Variants in SH3BGR observed in about 807,000 individuals in gnomAD.
SH3BGR encodes SH3 domain binding glutamate rich protein.
Under a neutral mutation model 24.5 loss-of-function variants are expected in SH3BGR, and 29 were observed. The ratio of observed to expected loss-of-function variants is 1.18; its 90% confidence interval spans 0.88 to 1.61. The LOEUF (loss-of-function observed/expected upper bound fraction) is 1.61. SH3BGR is among the 40% of genes most tolerant of loss of function. SH3BGR has a pLI of 0.00. For missense variants in SH3BGR, 162 were observed against 205.8 expected, an observed-to-expected ratio of 0.79 and a Z score of 1.30; for synonymous variants, 55 against 65.7, an observed-to-expected ratio of 0.84 and a Z score of 0.79.
intron 3 of SH3BGR, among the ~76,000 whole-genome samples, chr21:39,496,434 A>G (rs930234678): frequency 6.8e-6 from 1 of 147,310 alleles, no homozygotes; most frequent in East Asian, 2.0e-4. Context: ...CAGGAAGCGG[A>G]GCTTGCAGTG....
At chr21:39,480,601 C>G (rs1252647504) in intron 3 of SH3BGR, among the ~76,000 whole-genome samples, 1 of 152,200 alleles carries the variant, frequency 6.6e-6, no homozygotes, top group Non-Finnish European at 1.5e-5. Flanking sequence ...TCCTCAGTGG[C>G]TGGGTATTTG....
chr21:39,485,334 AT>A (rs2078191874), intron 3 of SH3BGR, among the ~76,000 whole-genome samples: 1 of 152,228 alleles, frequency 6.6e-6, no homozygotes, highest in Non-Finnish European at 1.5e-5. Flanking sequence ...TTCAATAAGA[AT>A]TTTTGAACTC....
intron 1 of SH3BGR, among the ~76,000 whole-genome samples, chr21:39,461,132 T>G (rs2077747812): frequency 6.7e-6 from 1 of 148,290 alleles, no homozygotes; most frequent in Non-Finnish European, 1.5e-5. Flanking sequence ...TCTAGTTTTG[T>G]AGATTTTTTT....
upstream of SH3BGR, chr21:39,451,799 G>A (rs527268353): frequency 3.7e-5 from 45 of 1,215,080 alleles, no homozygotes; most frequent in Middle Eastern, 5.2e-4. Context: ...CTGTTGTCGC[G>A]CGTTTAAAGT....
chr21:39,497,122 T>C (rs1479673976), intron 3 of SH3BGR, among the ~76,000 whole-genome samples: 2 of 151,418 alleles, frequency 1.3e-5, no homozygotes, highest in East Asian at 3.9e-4. Flanking sequence ...TACATGTATT[T>C]ATATGTATAT....
At chr21:39,495,771 C>G (rs2078384088) in intron 3 of SH3BGR, among the ~76,000 whole-genome samples, 1 of 152,138 alleles carries the variant, frequency 6.6e-6, no homozygotes, top group Non-Finnish European at 1.5e-5. Flanking sequence ...TGTAAGCCAT[C>G]ATGCTCCTTC....
At chr21:39,485,463 G>A (rs947572292) in intron 3 of SH3BGR, among the ~76,000 whole-genome samples, 6 of 152,004 alleles carry the variant, frequency 3.9e-5, no homozygotes, top group Non-Finnish European at 8.8e-5. Context: ...AGCAAAAAGG[G>A]CTTCCTTATA....
intron 2 of SH3BGR, among the ~76,000 whole-genome samples, chr21:39,473,975 G>A (rs762198322): frequency 2.6e-5 from 4 of 152,000 alleles, no homozygotes; most frequent in African/African-American, 4.8e-5. Context: ...AGATTTTGTG[G>A]GTTTTTTTGT....
At chr21:39,501,344 G>T (rs1012720521) in intron 4 of SH3BGR, among the ~76,000 whole-genome samples, 1 of 152,174 alleles carries the variant, frequency 6.6e-6, no homozygotes, top group Admixed American at 6.5e-5. Context: ...CAGCCACTGG[G>T]CTGGGTTAGT....
intron 2 of SH3BGR, among the ~76,000 whole-genome samples, chr21:39,468,188 G>T (rs2077875142): frequency 6.6e-6 from 1 of 152,196 alleles, no homozygotes; most frequent in East Asian, 1.9e-4. Flanking sequence ...AGGAAACACA[G>T]GATGCAAACC....
At position 39,462,895 on chromosome 21, in the gene SH3BGR, C is replaced by T. The variant is rs540350292; in HGVS notation, c.231+335C>T. 4.6e-5 allele frequency among the ~76,000 whole-genome samples: 7 copies of T among 152,300 alleles called. No homozygotes were observed. In the South Asian group the frequency reaches 1.5e-3, roughly 32 times the overall value. ...TGCAGTGTGCACACACGTGTATCTG[C>T]AGAGGAACATGGTAAGTTTTCTCTG... On this transcript the variant is annotated intron_variant, in intron 2 of 6. Transcript: ENST00000333634.
At chr21:39,447,141 T>C (rs2077496917), upstream of SH3BGR, 1 of 152,086 alleles carries the variant, frequency 6.6e-6, no homozygotes, top group Admixed American at 6.6e-5. Context: ...GGGCAACATC[T>C]CCAGGTAGGC....
chr21:39,509,471 GTTTTT>G (rs560071613), intron 5 of SH3BGR, among the ~76,000 whole-genome samples: 1 of 103,952 alleles, frequency 9.6e-6, no homozygotes, highest in African/African-American at 3.7e-5. Context: ...CACTTTTATT[GTTTTT>G]TTTTTTTTTT....
intron 2 of SH3BGR, among the ~76,000 whole-genome samples, chr21:39,465,811 C>T (rs538874620): frequency 1.2e-4 from 18 of 152,134 alleles, no homozygotes; most frequent in Non-Finnish European, 1.8e-4. Flanking sequence ...AGGCTGGTCT[C>T]ACACTCCTGG....
At chr21:39,500,034 G>A in intron 4 of SH3BGR, 119 bp downstream of exon 4, 2 of 718,068 alleles carry the variant, frequency 2.8e-6, no homozygotes, top group Non-Finnish European at 4.9e-6. Context: ...GGAGCTGAGA[G>A]TTTAGCCAGG....
chr21:39,448,562 C>G (rs567917014), upstream of SH3BGR, among the ~76,000 whole-genome samples: 2 of 151,894 alleles, frequency 1.3e-5, no homozygotes, highest in Non-Finnish European at 2.9e-5. Context: ...TGAGATGCAC[C>G]AAAAACAGAA....
chr21:39,452,785 T>C (rs2148443634), intron 1 of SH3BGR, among the ~76,000 whole-genome samples: 1 of 152,286 alleles, frequency 6.6e-6, no homozygotes, highest in African/African-American at 2.4e-5. Flanking sequence ...TGAGACCATC[T>C]ACCTCTTCAA....
In SH3BGR at chr21:39,492,481, TACAC is replaced by T. The variant is rs900456010; in HGVS notation, c.313-7327_313-7324del. ...GTGTGTGTGTGTATATATATATATA[TACAC>T]ACACACACACACACCACATTTTCTT... On this transcript the variant is annotated intron_variant, in intron 3 of 6. Coordinates refer to ENST00000333634, the MANE Select transcript of SH3BGR (RefSeq NM_007341.3). 3.3e-3 allele frequency among the ~76,000 whole-genome samples: 272 copies of T among 81,576 alleles called. 2 individuals are homozygous for T. Among genetic ancestry groups the T allele is most frequent in the African/African-American group, 7.1e-3 (238 of 33,424 alleles). 53.5% of individuals were successfully genotyped at this position (81,576 alleles called of 152,430 possible). A position where few individuals can be genotyped will look rare whatever the true frequency, so the allele number is the denominator to read the frequency against.
chr21:39,466,457 C>T (rs535959894), intron 2 of SH3BGR, among the ~76,000 whole-genome samples: 8 of 152,074 alleles, frequency 5.3e-5, no homozygotes, highest in Non-Finnish European at 1.0e-4. Context: ...GAAAGTAGCC[C>T]TTTGACCATA....
Sources: gnomAD v4.1 joint callset for allele counts (sites outside exome capture counted in the v4.1 genomes callset) on GRCh38, gnomAD v4.1.1 for gene constraint, MANE v1.5 for transcripts, NCBI Gene and HGNC (gene_info 2026-07-23, HGNC 2026-07-21) for gene names.